SDCCAG8: variants seen among roughly 807,000 people sequenced by gnomAD.
The protein encoded by SDCCAG8 is serologically defined colon cancer antigen 8.
In SDCCAG8, 74 loss-of-function variants were observed where a neutral mutation model predicts 101.8. That is an observed-to-expected ratio of 0.73 (90% confidence interval 0.60 to 0.88). SDCCAG8 has a LOEUF of 0.88. SDCCAG8 is among the 40% of genes least tolerant of loss of function. The probability of loss-of-function intolerance (pLI) is 0.00; values close to 1 mark genes in which losing one functional copy is unlikely to be tolerated. For synonymous variants in SDCCAG8, 281 were observed against 292.9 expected, an observed-to-expected ratio of 0.96 and a Z score of 0.41; for missense variants, 787 against 822.6, an observed-to-expected ratio of 0.96 and a Z score of 0.53.
intron 6 of SDCCAG8, among the ~76,000 whole-genome samples, chr1:243,298,085 G>C (rs777546579): frequency 8.0e-5 from 11 of 137,864 alleles, no homozygotes; most frequent in Non-Finnish European, 1.5e-4. Flanking sequence ...GTCTCACTCT[G>C]TCACCCAGGC....
At chr1:243,261,044 A>G (rs751054846) in intron 1 of SDCCAG8, among the ~76,000 whole-genome samples, 1 of 152,362 alleles carries the variant, frequency 6.6e-6, no homozygotes, top group African/African-American at 2.4e-5. Context: ...GTGCCAAGCA[A>G]ATGATCAAAA....
intron 16 of SDCCAG8, among the ~76,000 whole-genome samples, chr1:243,431,363 A>G (rs945551518): frequency 1.3e-5 from 2 of 152,148 alleles, no homozygotes; most frequent in Non-Finnish European, 2.9e-5. Flanking sequence ...GGTGGAGAAG[A>G]GGAGCGTGTC....
intron 3 of SDCCAG8, among the ~76,000 whole-genome samples, chr1:243,271,571 C>G (rs2068084506): frequency 6.6e-6 from 1 of 151,844 alleles, no homozygotes; most frequent in Non-Finnish European, 1.5e-5. Flanking sequence ...GAGACAGAGT[C>G]TCATTCTGTT....
intron 16 of SDCCAG8, among the ~76,000 whole-genome samples, chr1:243,481,306 G>A (rs187897314): frequency 1.0e-3 from 156 of 152,254 alleles, no homozygotes; most frequent in African/African-American, 3.6e-3. Flanking sequence ...GTGATGAGTC[G>A]CACTGTGGGC....
chr1:243,446,633 G>T (rs1327121505), intron 16 of SDCCAG8, among the ~76,000 whole-genome samples: 1 of 152,148 alleles, frequency 6.6e-6, no homozygotes, highest in Non-Finnish European at 1.5e-5. Context: ...TTTCCTTTCT[G>T]CTTTCTCTGT....
chr1:243,427,086 G>A (rs923891255), intron 16 of SDCCAG8, among the ~76,000 whole-genome samples: 1 of 152,088 alleles, frequency 6.6e-6, no homozygotes, highest in Non-Finnish European at 1.5e-5. Context: ...CTATATATTG[G>A]CGCTAATCAT....
intron 17 of SDCCAG8, among the ~76,000 whole-genome samples, chr1:243,490,457 G>A (rs1235818156): frequency 2.0e-5 from 3 of 152,234 alleles, no homozygotes; most frequent in East Asian, 1.9e-4. Context: ...GATTCTGGAC[G>A]ACACTACATT....
chr1:243,372,477 G>C, intron 12 of SDCCAG8, among the ~76,000 whole-genome samples: 1 of 151,934 alleles, frequency 6.6e-6, no homozygotes, highest in East Asian at 1.9e-4. Flanking sequence ...GAATTAAGAT[G>C]TTATATAATT....
chr1:243,386,768 T>TGAACGAGAGAGA (rs1553336963), intron 13 of SDCCAG8, among the ~76,000 whole-genome samples: 1 of 143,374 alleles, frequency 7.0e-6, no homozygotes, highest in African/African-American at 2.5e-5. Context: ...AGAAAGAAAG[T>TGAACGAGAGAGA]GAGAGAGAGA....
chr1:243,491,768 C>T (rs2148282248), intron 17 of SDCCAG8, among the ~76,000 whole-genome samples: 1 of 152,310 alleles, frequency 6.6e-6, no homozygotes, highest in East Asian at 1.9e-4. Flanking sequence ...AGTGCTCAGC[C>T]ACCCTCTCTG....
intron 10 of SDCCAG8, among the ~76,000 whole-genome samples, chr1:243,336,234 T>C (rs927914722): frequency 1.3e-5 from 2 of 152,220 alleles, no homozygotes; most frequent in African/African-American, 4.8e-5. Context: ...GTGGCTGAAC[T>C]AATGTACATT....
chr1:243,335,739 C>T (rs1022084889), intron 10 of SDCCAG8, among the ~76,000 whole-genome samples: 5 of 152,074 alleles, frequency 3.3e-5, no homozygotes, highest in Non-Finnish European at 7.4e-5. Flanking sequence ...TTGTCACCCC[C>T]TACATAAGCA....
At chr1:243,279,547 C>A (rs900136087) in intron 4 of SDCCAG8, among the ~76,000 whole-genome samples, 5 of 152,306 alleles carry the variant, frequency 3.3e-5, no homozygotes, top group Admixed American at 2.6e-4. Flanking sequence ...GCTTTTGCAG[C>A]ATAATAACGT....
intron 16 of SDCCAG8, among the ~76,000 whole-genome samples, chr1:243,461,574 TGA>T (rs1450984966): frequency 1.3e-5 from 2 of 152,200 alleles, no homozygotes; most frequent in African/African-American, 4.8e-5. Flanking sequence ...TTTGCACTGA[TGA>T]GAGATGTTTT....
chr1:243,421,731 G>GGCA (rs1462966052), intron 15 of SDCCAG8, among the ~76,000 whole-genome samples: 1 of 152,134 alleles, frequency 6.6e-6, no homozygotes, highest in Non-Finnish European at 1.5e-5. Context: ...ATTGGCACCA[G>GGCA]GCAGACATTC....
At position 243,450,153 on chromosome 1, in the gene SDCCAG8, T is replaced by A. The variant is rs374681363; in HGVS notation, c.1985+23595T>A. 6.6e-5 allele frequency among the ~76,000 whole-genome samples: 10 copies of A among 152,352 alleles called. No individual in the cohort carries two copies. The East Asian group carries it at 7.7e-4, about 12-fold the overall frequency. The stretch of plus-strand genomic sequence containing the variant: ...CATGGCCTTCGATGTCCTTCTCTCC[T>A]CATTAGATTGTGAGGTCTTCAATGT... On this transcript the variant is annotated intron_variant, in intron 16 of 17. Transcript: ENST00000366541.
chr1:243,290,490 A>G (rs1300050375), intron 5 of SDCCAG8, among the ~76,000 whole-genome samples: 2 of 152,162 alleles, frequency 1.3e-5, no homozygotes, highest in African/African-American at 4.8e-5. Flanking sequence ...TTTAAATGCA[A>G]TCATATCTTA....
intron 6 of SDCCAG8, among the ~76,000 whole-genome samples, chr1:243,296,923 G>A (rs2070986259): frequency 6.6e-6 from 1 of 151,970 alleles, no homozygotes; most frequent in Non-Finnish European, 1.5e-5. Flanking sequence ...CATGTACATT[G>A]GTTGATTATA....
At chr1:243,483,732 T>C (rs978587379) in intron 16 of SDCCAG8, among the ~76,000 whole-genome samples, 18 of 151,938 alleles carry the variant, frequency 1.2e-4, no homozygotes, top group Non-Finnish European at 2.9e-5. Context: ...CTCTCCTCCC[T>C]GGACCTCCGT....
Sources: allele counts gnomAD v4.1 joint callset (sites outside exome capture counted in the v4.1 genomes callset), GRCh38; gene constraint gnomAD v4.1.1; transcripts MANE v1.5; gene names NCBI Gene and HGNC (gene_info 2026-07-23, HGNC 2026-07-21).